The following GREB1L variants were observed in gnomAD, a reference collection of about 807,000 sequenced individuals.
GREB1L encodes the protein GREB1-like protein.
In GREB1L, 17 loss-of-function variants were observed where a neutral mutation model predicts 200.8. The ratio of observed to expected loss-of-function variants is 0.08; its 90% CI spans 0.06 to 0.13. The LOEUF (loss-of-function observed/expected upper bound fraction) is 0.13, where lower values mean the gene tolerates loss of function less well. Ranked by LOEUF, GREB1L falls within the 10% of genes least tolerant of loss-of-function variation. The pLI is 1.00. For missense variants in GREB1L, 1,657 were observed against 2,367.7 expected, an observed-to-expected ratio of 0.70 and a Z score of 6.23; for synonymous variants, 789 against 893.0, an observed-to-expected ratio of 0.88 and a Z score of 2.08.
intron 5 of GREB1L, among the ~76,000 whole-genome samples, chr18:21,397,441 C>T (rs2041118582): frequency 2.0e-5 from 3 of 150,782 alleles, no homozygotes; most frequent in East Asian, 2.0e-4. Context: ...AGGAGAATGG[C>T]GTGAACCCGG....
At chr18:21,438,960 C>CAAAAAAAAAAAAAAAAAAAA (rs59125788) in intron 7 of GREB1L, among the ~76,000 whole-genome samples, 1 of 64,676 alleles carries the variant, frequency 1.5e-5, no homozygotes, top group Non-Finnish European at 3.5e-5. Flanking sequence ...GACTCTGTCT[C>CAAAAAAAAAAAAAAAAAAAA]AAAAAAAAAA....
At chr18:21,338,396 A>G (rs1234069633) in intron 1 of GREB1L, among the ~76,000 whole-genome samples, 2 of 152,272 alleles carry the variant, frequency 1.3e-5, no homozygotes, top group Admixed American at 1.3e-4. Flanking sequence ...ATCAGTAGTA[A>G]TTCCAAAGAG....
chr18:21,389,571 A>G (rs2040708262), intron 4 of GREB1L, among the ~76,000 whole-genome samples: 1 of 152,052 alleles, frequency 6.6e-6, no homozygotes, highest in Non-Finnish European at 1.5e-5. Flanking sequence ...TGCCACAGAA[A>G]TTGCTCTGAA....
intron 15 of GREB1L, among the ~76,000 whole-genome samples, chr18:21,468,025 A>G (rs78836470): frequency 0.29 from 41,327 of 141,538 alleles, 7,546 homozygotes; most frequent in African/African-American, 0.51. Flanking sequence ...ACTCCATCTG[A>G]AAAAAAAAAA....
intron 1 of GREB1L, among the ~76,000 whole-genome samples, chr18:21,273,444 T>A (rs2038110905): frequency 6.6e-6 from 1 of 152,170 alleles, no homozygotes; most frequent in African/African-American, 2.4e-5. Context: ...TAAATGAGAT[T>A]TTTATTTTAT....
chr18:21,268,384 G>A (rs972759053), intron 1 of GREB1L, among the ~76,000 whole-genome samples: 1 of 150,908 alleles, frequency 6.6e-6, no homozygotes, highest in Non-Finnish European at 1.5e-5. Context: ...AGTACACACC[G>A]TAGGTGGGAA....
rs117247041 is a variant in GREB1L at position 21,329,670 on chromosome 18, G to T, written c.-119-36357G>T. On this transcript the variant is annotated intron_variant, in intron 1 of 32. Transcript: ENST00000424526. ...TCTAACCATTAGTAAATGTTTATTG[G>T]TCTCCTTGACGAGATGCCTTATGAT... Among the ~76,000 whole-genome samples the T allele has an allele frequency of 6.1e-3, 924 of 152,082 alleles. 9 individuals are homozygous for T. Among genetic ancestry groups the T allele is most frequent in the Admixed American group, 0.015 (227 of 15,254 alleles).
At chr18:21,247,189 C>G (rs1328839143) in intron 1 of GREB1L, among the ~76,000 whole-genome samples, 2 of 152,204 alleles carry the variant, frequency 1.3e-5, no homozygotes, top group African/African-American at 2.4e-5. Context: ...CCCACAGTGA[C>G]TCTTCTCTTC....
chr18:21,260,008 T>C (rs954614528), intron 1 of GREB1L, among the ~76,000 whole-genome samples: 1 of 152,008 alleles, frequency 6.6e-6, no homozygotes, highest in Non-Finnish European at 1.5e-5. Context: ...TGAGAAATTA[T>C]CATTTAGAAA....
intron 7 of GREB1L, among the ~76,000 whole-genome samples, chr18:21,409,178 G>C (rs1279359481): frequency 6.6e-6 from 1 of 152,122 alleles, no homozygotes; most frequent in Admixed American, 6.6e-5. Flanking sequence ...CCATATAATG[G>C]AATACCATCC....
intron 7 of GREB1L, among the ~76,000 whole-genome samples, chr18:21,422,312 A>G (rs2032222253): frequency 1.3e-5 from 2 of 152,198 alleles, no homozygotes; most frequent in African/African-American, 4.8e-5. Context: ...ACTGTTCTGA[A>G]ACATTTACAT....
intron 16 of GREB1L, among the ~76,000 whole-genome samples, chr18:21,475,429 G>A (rs1386256770): frequency 2.4e-4 from 36 of 152,144 alleles, no homozygotes; most frequent in Middle Eastern, 3.4e-3. Flanking sequence ...ATGCGATCTC[G>A]GCTCACTGCA....
intron 2 of GREB1L, among the ~76,000 whole-genome samples, chr18:21,382,092 C>T (rs2040339499): frequency 1.3e-5 from 2 of 152,144 alleles, no homozygotes; most frequent in Non-Finnish European, 2.9e-5. Context: ...TGCCTATAAT[C>T]CCAGCACTTT....
chr18:21,486,457 C>T (rs2036133850), intron 18 of GREB1L, among the ~76,000 whole-genome samples: 1 of 152,040 alleles, frequency 6.6e-6, no homozygotes, highest in Non-Finnish European at 1.5e-5. Context: ...CCACCACAGG[C>T]AAGGACCCTA....
chr18:21,244,788 G>A (rs2037568947), intron 1 of GREB1L, among the ~76,000 whole-genome samples: 1 of 152,100 alleles, frequency 6.6e-6, no homozygotes, highest in African/African-American at 2.4e-5. Context: ...GCCAAACACC[G>A]GGCTGAGGGC....
At chr18:21,434,123 G>T (rs1380994979) in intron 7 of GREB1L, among the ~76,000 whole-genome samples, 1 of 152,030 alleles carries the variant, frequency 6.6e-6, no homozygotes, top group African/African-American at 2.4e-5. Flanking sequence ...GAGTTGGTTT[G>T]CATGACACTT....
intron 10 of GREB1L, among the ~76,000 whole-genome samples, chr18:21,441,903 C>A (rs1241951554): frequency 6.6e-6 from 1 of 152,202 alleles, no homozygotes; most frequent in African/African-American, 2.4e-5. Context: ...GGGCTTACCT[C>A]TGCCTGGAGG....
At position 21,518,019 on chromosome 18, in the gene GREB1L, C is replaced by T. The variant is rs1207067325; in HGVS notation, c.5272-15C>T. 6.5e-6 allele frequency: 10 copies of T among 1,543,182 alleles called. No homozygotes were observed. In the African/African-American group the frequency reaches 6.9e-5, roughly 11 times the overall value. On this transcript the variant is annotated splice_polypyrimidine_tract_variant and intron_variant, in intron 30 of 32. Coordinates refer to ENST00000424526, the MANE Select transcript of GREB1L (RefSeq NM_001142966.3). Reference sequence around the variant, plus strand: ...ACAGACAAGTTTCCCATGATCATCTCGCCTCTGATTTCAGGTGTCAGAGAG... The same window carrying T: ...ACAGACAAGTTTCCCATGATCATCTTGCCTCTGATTTCAGGTGTCAGAGAG...
intron 7 of GREB1L, among the ~76,000 whole-genome samples, chr18:21,431,803 T>G (rs1203143328): frequency 6.6e-6 from 1 of 152,092 alleles, no homozygotes; most frequent in Non-Finnish European, 1.5e-5. Context: ...TGTTGTTAGG[T>G]GTGTATATGT....
Sources: gnomAD v4.1 joint callset for allele counts (sites outside exome capture counted in the v4.1 genomes callset) on GRCh38, gnomAD v4.1.1 for gene constraint, MANE v1.5 for transcripts, NCBI Gene and HGNC (gene_info 2026-07-23, HGNC 2026-07-21) for gene names.